RGS18: variants seen among roughly 807,000 people sequenced by gnomAD.
RGS18 encodes the protein regulator of G-protein signaling 18.
A neutral mutation model predicts 27.6 loss-of-function variants in RGS18; 22 were observed. That is an observed-to-expected ratio of 0.80 (90% CI 0.57 to 1.14). The LOEUF (loss-of-function observed/expected upper bound fraction) is 1.14, where lower values mean the gene tolerates loss of function less well. Among genes scored for constraint, RGS18 ranks in the 50% most tolerant of loss-of-function variants. RGS18 has a pLI of 0.00. For missense variants in RGS18, 299 were observed against 269.6 expected, an observed-to-expected ratio of 1.11 and a Z score of -0.76; for synonymous variants, 89 against 84.6, an observed-to-expected ratio of 1.05 and a Z score of -0.29.
chr1:192,178,847 A>G (rs1656401211), intron 3 of RGS18, among the ~76,000 whole-genome samples: 1 of 151,658 alleles, frequency 6.6e-6, no homozygotes, highest in Non-Finnish European at 1.5e-5. Context: ...TGATATCAAC[A>G]TGTAAAGAAA....
At chr1:192,162,314 GT>G (rs1656088338) in intron 3 of RGS18, among the ~76,000 whole-genome samples, 1 of 151,568 alleles carries the variant, frequency 6.6e-6, no homozygotes, top group East Asian at 1.9e-4. Context: ...GTTTTGTTTT[GT>G]TTTTGTGTTT....
chr1:192,181,291 G>A lies in RGS18; in HGVS notation c.284-1G>A. On this transcript the variant is annotated splice_acceptor_variant, in intron 3 of 4. Coordinates refer to ENST00000367460, the MANE Select transcript of RGS18 (RefSeq NM_130782.3). LOFTEE classifies it high-confidence loss of function. Reference sequence around the variant, plus strand: ...AGTTATATTATTTATTTTCTTGATAGATGGACTAGAGGCTTTTACCAGATT... The same window carrying A: ...AGTTATATTATTTATTTTCTTGATAAATGGACTAGAGGCTTTTACCAGATT... 7.0e-7 allele frequency: 1 copy of A among 1,426,646 alleles called. No homozygotes were observed. The highest frequency in any genetic ancestry group is 2.4e-5 in the East Asian group (1 of 42,024). 88.4% of individuals were successfully genotyped at this position (1,426,646 alleles called of 1,614,324 possible).
At chr1:192,164,630 A>G (rs902944821) in intron 3 of RGS18, among the ~76,000 whole-genome samples, 1 of 152,214 alleles carries the variant, frequency 6.6e-6, no homozygotes, top group African/African-American at 2.4e-5. Flanking sequence ...AATCGGGGGC[A>G]TATTACCTTC....
intron 3 of RGS18, among the ~76,000 whole-genome samples, chr1:192,164,261 C>A (rs1487790031): frequency 6.6e-6 from 1 of 151,976 alleles, no homozygotes; most frequent in Non-Finnish European, 1.5e-5. Context: ...AGCAAAGAAT[C>A]AGTATAGGAA....
chr1:192,178,251 T>C (rs1656391028), intron 3 of RGS18, among the ~76,000 whole-genome samples: 1 of 151,520 alleles, frequency 6.6e-6, no homozygotes, highest in Non-Finnish European at 1.5e-5. Context: ...AGGGAAGGTT[T>C]TGGGTAAAGA....
rs1656163585 is a variant in RGS18 at position 192,166,431 on chromosome 1, C to T, written c.283+5992C>T. 2.0e-5 allele frequency among the ~76,000 whole-genome samples: 3 copies of T among 152,020 alleles called. 1 individual carries two copies. The highest frequency in any genetic ancestry group is 2.9e-5 in the Non-Finnish European group (2 of 67,980). ...ACTCTGAGGCAAAGAATAATAAACA[C>T]ATTATATAATTAAGTTGGGAACAAA... On this transcript the variant is annotated intron_variant, in intron 3 of 4. Transcript: ENST00000367460.
rs1028200444 is a variant in RGS18, at chr1:192,158,698, T to C, written c.61T>C (p.Phe21Leu). Residue 21 changes from phenylalanine (F) to leucine (L), a missense_variant, in exon 1 of 5, where the codon TTT (phenylalanine) becomes CTT (leucine). Transcript: ENST00000367460. ...INMCESKEKT[F>L]FKLIHGSGKE... ...TATGTGTGAATCAAAAGAAAAAACT[T>C]TTTTCAAGTTAATACATGGTTCAGG... 1.3e-6 allele frequency: 2 copies of C among 1,582,074 alleles called. No individual in the cohort carries two copies. The highest frequency in any genetic ancestry group is 3.3e-4 in the Middle Eastern group (2 of 6,024).
intron 4 of RGS18, among the ~76,000 whole-genome samples, chr1:192,182,761 C>T (rs982685790): frequency 2.6e-5 from 4 of 151,514 alleles, no homozygotes; most frequent in African/African-American, 7.3e-5. Flanking sequence ...TAATCACTTT[C>T]GCACAAGCAA....
At chr1:192,172,884 A>AAAAT (rs1553229387) in intron 3 of RGS18, among the ~76,000 whole-genome samples, 1 of 97,510 alleles carries the variant, frequency 1.0e-5, no homozygotes, top group African/African-American at 3.2e-5. Context: ...TATATATATA[A>AAAAT]ATATATATAT....
chr1:192,159,424 G>A (rs1468620464), intron 2 of RGS18, 103 bp downstream of exon 2: 15 of 712,766 alleles, frequency 2.1e-5, no homozygotes, highest in African/African-American at 3.6e-5. Context: ...AAATTACACA[G>A]CAATATAAGG....
At chr1:192,172,212 AT>A (rs1296310919) in intron 3 of RGS18, among the ~76,000 whole-genome samples, 1 of 151,702 alleles carries the variant, frequency 6.6e-6, no homozygotes, top group Non-Finnish European at 1.5e-5. Flanking sequence ...CACCTAGGGG[AT>A]TTGTTTCTAT....
rs756519523 is a variant in RGS18, at chr1:192,159,315, A to G, written c.215A>G (p.Glu72Gly). ...AGTAGATCTGGGCACTTGGCCAAAG[A>G]AACAAGGTGAATAAATTTTCAGTAT... The part of the protein sequence containing the change: ...RSSRSGHLAK[E>G]TRVSPEEAVK... The change falls in exon 2 of 5, where the codon GAA (glutamate) becomes GGA (glycine). Residue 72 changes from glutamate to glycine, a missense_variant. Transcript: ENST00000367460. The G allele has an allele frequency of 6.2e-7, 1 of 1,605,446 alleles. No homozygotes were observed. The highest frequency in any genetic ancestry group is 1.7e-5 in the Admixed American group (1 of 59,896).
chr1:192,159,982 A>C (rs1656042258), intron 2 of RGS18, among the ~76,000 whole-genome samples: 1 of 152,026 alleles, frequency 6.6e-6, no homozygotes, highest in East Asian at 1.9e-4. Context: ...GCTTCAAGGA[A>C]ATTGCAGTAT....
intron 4 of RGS18, among the ~76,000 whole-genome samples, chr1:192,183,930 G>C (rs573439424): frequency 1.3e-5 from 2 of 151,678 alleles, no homozygotes; most frequent in African/African-American, 4.8e-5. Context: ...AAAGGCAGAG[G>C]GGGAGCAGTT....
chr1:192,184,356 C>T lies in RGS18; in HGVS notation c.510C>T (p.Leu170=). 2 of 1,611,628 alleles carry T rather than the reference C, an allele frequency of 1.2e-6. No homozygotes were observed. Among genetic ancestry groups the T allele is most frequent in the Non-Finnish European group, 1.7e-6 (2 of 1,178,420 alleles). The change falls in exon 5 of 5, where the codon CTC becomes CTT. Residue 170 remains leucine (L), a synonymous_variant. Coordinates refer to ENST00000367460, the MANE Select transcript of RGS18 (RefSeq NM_130782.3). The stretch of plus-strand genomic sequence containing the variant: ...CAAACAGCATCACTCAACCTACCCT[C>T]CACAGTTTTGATGCTGCACAAAGCA... ...VITNSITQPT[L]HSFDAAQSRV... is the part of the protein sequence containing the mutation.
chr1:192,185,692 G>A lies in RGS18; in HGVS notation c.*1138G>A, dbSNP rs1244802256. The stretch of plus-strand genomic sequence containing the variant: ...TTGTATTTAAAAATGCCATGCATTA[G>A]GCTTTGGAAATTTAATGTTAGTTGA... On this transcript the variant is annotated 3_prime_UTR_variant, in exon 5 of 5. Transcript: ENST00000367460. The A allele has an allele frequency of 3.3e-5, 5 of 151,514 alleles. No homozygotes were observed. The highest frequency in any genetic ancestry group is 5.9e-5 in the Non-Finnish European group (4 of 67,684). The allele number at this position is 151,514 out of a possible 1,614,324, so 9.4% of individuals were successfully genotyped here.
intron 3 of RGS18, among the ~76,000 whole-genome samples, chr1:192,164,647 ATCTGTACTACCT>A (rs1382482833): frequency 2.6e-5 from 4 of 152,314 alleles, no homozygotes; most frequent in African/African-American, 9.6e-5. Context: ...CTTCTTCTAA[ATCTGTACTACCT>A]TCTGTACTAC....
intron 3 of RGS18, among the ~76,000 whole-genome samples, chr1:192,172,349 G>A (rs1433009685): frequency 6.6e-6 from 1 of 151,886 alleles, no homozygotes; most frequent in Non-Finnish European, 1.5e-5. Flanking sequence ...TTCTTATGAA[G>A]CCAGGCTGCC....
intron 3 of RGS18, chr1:192,163,371 T>C (rs1211257459): frequency 2.0e-5 from 3 of 152,186 alleles, no homozygotes; most frequent in East Asian, 1.9e-4. Context: ...AATGAATTAG[T>C]ATATAATAAT....
Sources: gnomAD v4.1 joint callset for allele counts (sites outside exome capture counted in the v4.1 genomes callset) on GRCh38, gnomAD v4.1.1 for gene constraint, MANE v1.5 for transcripts, NCBI Gene and HGNC (gene_info 2026-07-23, HGNC 2026-07-21) for gene names.